AXL: variants seen among roughly 807,000 people sequenced by gnomAD.
The protein encoded by AXL is tyrosine-protein kinase receptor UFO.
Under a neutral mutation model 104.5 loss-of-function variants are expected in AXL, and 52 were observed. The observed-to-expected ratio is 0.50, with a 90% confidence interval of 0.40 to 0.63. The LOEUF (loss-of-function observed/expected upper bound fraction) is 0.63. Among genes scored for constraint, AXL ranks in the 20% least tolerant of loss-of-function variants. The pLI is 0.00. For synonymous variants in AXL, 455 were observed against 473.7 expected, an observed-to-expected ratio of 0.96 and a Z score of 0.51; for missense variants, 1,024 against 1,188.5, an observed-to-expected ratio of 0.86 and a Z score of 2.04.
At position 41,248,520 on chromosome 19, in the gene AXL, G is replaced by A; in HGVS notation, c.1544G>A (p.Ser515Asn). 1 of 1,614,234 alleles carries A rather than the reference G, an allele frequency of 6.2e-7. No individual in the cohort carries two copies. Among genetic ancestry groups the A allele is most frequent in the Non-Finnish European group, 8.5e-7 (1 of 1,180,040 alleles). Residue 515 changes from serine (S) to asparagine (N), a missense_variant, in exon 13 of 20, where the codon AGC (serine) becomes AAC (asparagine). Around this residue, in one of 5 missense-constraint regions of AXL, gnomAD observed 523 missense variants for 636.0 expected, o/e 0.82. Transcript: ENST00000301178. ...ACCCCAACCTTGCATGCAGTGAACA[G>A]CCTGGGCATCAGTGAAGAGCTGAAG... The part of the protein sequence containing the change: ...SRRTTEATLN[S>N]LGISEELKEK...
rs1261812707 is a variant in AXL, at chr19:41,254,390, A to AAAAG, written c.2036+706_2036+709dup. Among the ~76,000 whole-genome samples the AAAAG allele has an allele frequency of 4.8e-3, 701 of 145,314 alleles. 4 individuals are homozygous for AAAAG. Among genetic ancestry groups the AAAAG allele is most frequent in the African/African-American group, 0.013 (517 of 38,550 alleles). On this transcript the variant is annotated intron_variant, in intron 17 of 19. Transcript: ENST00000301178. ...AGACTCTGTCTCAAAAAAAAAAAAA[A>AAAAG]AAAGAAAGAAAGAAAGAAAGAAAGA...
At chr19:41,236,106 G>A (rs979432844) in intron 6 of AXL, among the ~76,000 whole-genome samples, 5 of 151,774 alleles carry the variant, frequency 3.3e-5, no homozygotes, top group East Asian at 1.9e-4. Flanking sequence ...CGAGGGGGGC[G>A]GATCACTTGA....
chr19:41,222,093 G>A, intron 4 of AXL, 37 bp downstream of exon 4: 1 of 1,475,500 alleles, frequency 6.8e-7, no homozygotes, highest in Non-Finnish European at 9.0e-7. Flanking sequence ...CGAATAGGGG[G>A]CCGGGCAGGG....
rs555871583 is a variant in AXL at position 41,239,171 on chromosome 19, T to G, written c.1142T>G (p.Met381Arg). Residue 381 changes from methionine to arginine, a missense_variant, in exon 9 of 20, where the codon ATG becomes AGG. Physicochemically the swap from Met to Arg is moderately conservative, Grantham distance 91 (BLOSUM62 -1). Coordinates refer to ENST00000301178, the MANE Select transcript of AXL (RefSeq NM_021913.5). ...CACTTCTGGACCTCCTAGGTGCTAA[T>G]GGACATAGGGCTAAGGCAAGAGGTG... ...YQGQDTPEVL[M>R]DIGLRQEVTL... 47 of 1,613,234 alleles carry G rather than the reference T, an allele frequency of 2.9e-5. No homozygotes were observed. In the Admixed American group the frequency reaches 6.8e-4, roughly 23 times the overall value.
rs760920812 is a variant in AXL at position 41,260,485 on chromosome 19, T to C, written c.*581T>C. Reference sequence around the variant, plus strand: ...TGCCACCACACCCGGCTAATTTTTATATTTTTAGTAGAGACAGGGTTTCAC... The same window carrying C: ...TGCCACCACACCCGGCTAATTTTTACATTTTTAGTAGAGACAGGGTTTCAC... On this transcript the variant is annotated 3_prime_UTR_variant, in exon 20 of 20. Coordinates refer to ENST00000301178, the MANE Select transcript of AXL (RefSeq NM_021913.5). The C allele has an allele frequency of 1.3e-5, 2 of 152,828 alleles. No individual in the cohort carries two copies. The highest frequency in any genetic ancestry group is 2.9e-5 in the Non-Finnish European group (2 of 68,552). The allele number at this position is 152,828 out of a possible 1,614,324, so 9.5% of individuals were successfully genotyped here. A position where few individuals can be genotyped will look rare whatever the true frequency, so the allele number is the denominator to read the frequency against.
chr19:41,223,156 G>C (rs571698625), intron 4 of AXL, among the ~76,000 whole-genome samples: 1 of 151,710 alleles, frequency 6.6e-6, no homozygotes, highest in South Asian at 2.1e-4. Flanking sequence ...TTAGCCAGGC[G>C]TGGTGACGGG....
At chr19:41,252,565 G>A in intron 15 of AXL, 122 bp downstream of exon 15, 2 of 1,188,196 alleles carry the variant, frequency 1.7e-6, no homozygotes, top group East Asian at 4.8e-5. Context: ...GCTCCTTCAG[G>A]GTCAGCAGGC....
At chr19:41,236,509 G>A (rs930232316) in intron 6 of AXL, among the ~76,000 whole-genome samples, 3 of 151,598 alleles carry the variant, frequency 2.0e-5, no homozygotes, top group Non-Finnish European at 4.4e-5. Context: ...GGCCGGGCAC[G>A]GTGGCTCACA....
intron 6 of AXL, 151 bp from the exon 7 acceptor site, chr19:41,237,793 C>G (rs1286257049): frequency 1.4e-6 from 1 of 727,596 alleles, no homozygotes; most frequent in Admixed American, 2.7e-5. Flanking sequence ...TTTGCAAATC[C>G]AGGTGCCCGT....
At chr19:41,237,709 G>C (rs778279834) in intron 6 of AXL, among the ~76,000 whole-genome samples, 15 of 152,176 alleles carry the variant, frequency 9.9e-5, no homozygotes, top group Non-Finnish European at 2.1e-4. Flanking sequence ...CTCAGAGAGG[G>C]AAGAGTCTTG....
chr19:41,253,732 C>G (rs116056574), intron 17 of AXL, 24 bp downstream of exon 17: 17 of 1,542,278 alleles, frequency 1.1e-5, no homozygotes, highest in African/African-American at 2.7e-5. Context: ...AGGGACCCCC[C>G]CCCCCCAACT....
At chr19:41,258,292 C>G (rs1166203166) in intron 19 of AXL, among the ~76,000 whole-genome samples, 1 of 152,176 alleles carries the variant, frequency 6.6e-6, no homozygotes, top group Non-Finnish European at 1.5e-5. Flanking sequence ...ATATAACTGA[C>G]TAGAAGGCAC....
At chr19:41,222,867 C>T (rs1355270506) in intron 4 of AXL, among the ~76,000 whole-genome samples, 2 of 147,774 alleles carry the variant, frequency 1.4e-5, no homozygotes, top group Non-Finnish European at 3.0e-5. Flanking sequence ...GATTGCGCCA[C>T]TGCACTCCAG....
intron 10 of AXL, 67 bp downstream of exon 10, chr19:41,239,787 T>C (rs1310616662): frequency 1.3e-6 from 2 of 1,571,906 alleles, no homozygotes; most frequent in Non-Finnish European, 8.8e-7. Context: ...ACTGTCACCA[T>C]GCATACTCAT....
intron 4 of AXL, among the ~76,000 whole-genome samples, chr19:41,225,965 G>T (rs2033872304): frequency 6.6e-6 from 1 of 152,170 alleles, no homozygotes; most frequent in Non-Finnish European, 1.5e-5. Context: ...GGGGCGGAGA[G>T]CAGGGGTTGT....
intron 4 of AXL, among the ~76,000 whole-genome samples, chr19:41,229,967 TTG>T (rs150285165): frequency 7.2e-5 from 11 of 151,814 alleles, no homozygotes; most frequent in Non-Finnish European, 1.0e-4. Flanking sequence ...GTGTGTCTCC[TTG>T]TGTGTGTGTG....
intron 1 of AXL, 134 bp downstream of exon 1, chr19:41,219,611 C>G: frequency 2.0e-6 from 2 of 996,500 alleles, no homozygotes; most frequent in Non-Finnish European, 3.0e-6. Context: ...AGAAAAGGGA[C>G]TTCAAGGGAG....
At chr19:41,256,366 G>A (rs1249454328) in intron 17 of AXL, 86 bp from the exon 18 acceptor site, 16 of 1,486,530 alleles carry the variant, frequency 1.1e-5, no homozygotes, top group Admixed American at 3.4e-5. Flanking sequence ...GAGGGGAGGA[G>A]GTGCAGATGT....
chr19:41,236,933 G>A (rs1360757138), intron 6 of AXL, among the ~76,000 whole-genome samples: 1 of 151,990 alleles, frequency 6.6e-6, no homozygotes, highest in Non-Finnish European at 1.5e-5. Context: ...AAAACATTAT[G>A]AGATTTGTTT....
Sources: allele counts gnomAD v4.1 joint callset (sites outside exome capture counted in the v4.1 genomes callset), GRCh38; gene constraint gnomAD v4.1.1; regional missense constraint gnomAD v4.1.1; transcripts MANE v1.5; gene names NCBI Gene and HGNC (gene_info 2026-07-23, HGNC 2026-07-21).